The following DIDO1 variants were observed in gnomAD, a reference collection of about 807,000 sequenced individuals.
The protein encoded by DIDO1 is death-inducer obliterator 1.
A neutral mutation model predicts 99.4 loss-of-function variants in DIDO1; 16 were observed. That is an observed-to-expected ratio of 0.16 (90% CI 0.11 to 0.24). The LOEUF (loss-of-function observed/expected upper bound fraction) is 0.24. Ranked by LOEUF, DIDO1 falls within the 10% of genes least tolerant of loss-of-function variation. The pLI is 1.00. For missense variants in DIDO1, 2,996 were observed against 3,014.0 expected (o/e 0.99, Z 0.14); for synonymous variants, 1,366 against 1,239.1 (o/e 1.10, Z -2.15).
intron 4 of DIDO1, among the ~76,000 whole-genome samples, chr20:62,907,586 G>A (rs1295116670): frequency 2.0e-5 from 3 of 152,254 alleles, no homozygotes; most frequent in Non-Finnish European, 4.4e-5. Context: ...GCAGGAGTGT[G>A]AGGAGACCCC....
chr20:62,929,692 A>AAAAAATATATAT, upstream of DIDO1, among the ~76,000 whole-genome samples: 1 of 63,710 alleles, frequency 1.6e-5, no homozygotes, highest in African/African-American at 7.6e-5. Context: ...AAAAAGAAAA[A>AAAAAATATATAT]GTGTATATAT....
chr20:62,884,533 C>T (rs1175554957), intron 15 of DIDO1, among the ~76,000 whole-genome samples: 1 of 152,224 alleles, frequency 6.6e-6, no homozygotes, highest in Non-Finnish European at 1.5e-5. Context: ...ATTTCCCGTG[C>T]TTCAGGTGAT....
In DIDO1 at chr20:62,905,656, T is replaced by C. The variant is rs1383358215; in HGVS notation, c.1588+231A>G. 5 of 1,581,470 alleles carry C rather than the reference T, an allele frequency of 3.2e-6. No homozygotes were observed. In the African/African-American group the frequency reaches 6.8e-5, roughly 21 times the overall value. On this transcript the variant is annotated intron_variant, in intron 6 of 15. Transcript: ENST00000395343. Reference sequence around the variant, plus strand: ...AATCATTAAGGTGAACGTTCACCAGTGAGGTTTACAGCTTTGGAAAACAGT... The same window carrying C: ...AATCATTAAGGTGAACGTTCACCAGCGAGGTTTACAGCTTTGGAAAACAGT...
At chr20:62,883,380 A>G (rs542215283) in intron 15 of DIDO1, among the ~76,000 whole-genome samples, 88 of 152,326 alleles carry the variant, frequency 5.8e-4, no homozygotes, top group African/African-American at 1.9e-3. Context: ...GAAAAACAGC[A>G]TTAAATGAAA....
intron 15 of DIDO1, among the ~76,000 whole-genome samples, chr20:62,883,245 G>A (rs1374084333): frequency 1.3e-5 from 2 of 151,808 alleles, no homozygotes; most frequent in African/African-American, 2.4e-5. Context: ...TTTAACTTAG[G>A]AGTTGCAACA....
At chr20:62,933,011 G>A (rs552881289) in intron 1 of DIDO1, among the ~76,000 whole-genome samples, 6 of 152,258 alleles carry the variant, frequency 3.9e-5, no homozygotes, top group African/African-American at 7.2e-5. Flanking sequence ...TCTGGAGTTC[G>A]AGACCAGCCT....
At chr20:62,921,996 A>G (rs2147562787) in intron 1 of DIDO1, among the ~76,000 whole-genome samples, 1 of 150,532 alleles carries the variant, frequency 6.6e-6, no homozygotes, top group African/African-American at 2.4e-5. Flanking sequence ...CACAATATAT[A>G]TACACTATAT....
rs1291491392 is a variant in DIDO1, at chr20:62,893,734, G to A, written c.3033C>T (p.Ser1011=). The A allele has an allele frequency of 1.2e-6, 2 of 1,614,142 alleles. No homozygotes were observed. The highest frequency in any genetic ancestry group is 8.5e-7 in the Non-Finnish European group (1 of 1,179,970). ...GAGATGAGGATGGCTTAGCTAGTAT[G>A]GACTTGGGCACCATCACAGAAGTCA... ...PVLTSVMVPK[S]ILAKPSSSPD... Residue 1011 remains serine, a synonymous_variant, in exon 12 of 16, where the codon TCC becomes TCT. Coordinates refer to ENST00000395343, the MANE Select transcript of DIDO1 (RefSeq NM_001193369.2).
At chr20:62,920,742 C>T (rs62200155) in intron 1 of DIDO1, among the ~76,000 whole-genome samples, 3,849 of 152,258 alleles carry the variant, frequency 0.025, 56 homozygotes, top group African/African-American at 0.03. Context: ...AGAAGCTGAA[C>T]GGAGACACTA....
At chr20:62,930,225 A>T (rs942998516), upstream of DIDO1, among the ~76,000 whole-genome samples, 1 of 152,286 alleles carries the variant, frequency 6.6e-6, no homozygotes, top group African/African-American at 2.4e-5. Flanking sequence ...AAACAAAAAA[A>T]AAAAAAACAC....
At chr20:62,924,460 G>C (rs1466089720) in intron 1 of DIDO1, among the ~76,000 whole-genome samples, 2 of 152,138 alleles carry the variant, frequency 1.3e-5, no homozygotes. Context: ...ATGAAGACGT[G>C]GCACAGCTTA....
intron 1 of DIDO1, among the ~76,000 whole-genome samples, chr20:62,923,982 T>C (rs532672469): frequency 4.1e-4 from 62 of 152,318 alleles, no homozygotes; most frequent in African/African-American, 1.4e-3. Context: ...TCAAAATTAC[T>C]ACTCAAAAAA....
upstream of DIDO1, among the ~76,000 whole-genome samples, chr20:62,928,203 G>A (rs937167575): frequency 6.6e-6 from 1 of 152,108 alleles, no homozygotes. Context: ...GTTTCACGCT[G>A]GGCACTCAGG....
intron 15 of DIDO1, chr20:62,890,346 C>A (rs1210877269): frequency 2.0e-6 from 2 of 986,536 alleles, no homozygotes. Context: ...CTGGAATCAC[C>A]CTCAACCCTT....
intron 1 of DIDO1, among the ~76,000 whole-genome samples, 190 bp downstream of exon 1, chr20:62,926,249 C>G (rs890639901): frequency 1.1e-5 from 1 of 89,894 alleles, no homozygotes; most frequent in African/African-American, 9.3e-5. Flanking sequence ...TGACCGGCCC[C>G]GCCCGCTCGC....
At chr20:62,885,649 C>T (rs760531388) in intron 15 of DIDO1, among the ~76,000 whole-genome samples, 5 of 152,270 alleles carry the variant, frequency 3.3e-5, no homozygotes, top group South Asian at 4.1e-4. Flanking sequence ...GATGGGTGCT[C>T]GTTCTGAATT....
Position 62,882,056 on chromosome 20 carries a change from A to AGCTGCCGTGGAG in DIDO1, c.3888_3899dup (p.Thr1298_Ser1301dup), listed in dbSNP as rs2064216834. The AGCTGCCGTGGAG allele has an allele frequency of 3.1e-6, 5 of 1,613,436 alleles. No individual in the cohort carries two copies. Among genetic ancestry groups the AGCTGCCGTGGAG allele is most frequent in the Non-Finnish European group, 4.2e-6 (5 of 1,180,034 alleles). ...TGGAAGCAGACGAAGCGGTGGAGGA[A>AGCTGCCGTGGAG]GCTGCCGTGGAGGCTGCCGCTGCTG... On this transcript the variant is annotated inframe_insertion, in exon 16 of 16. Coordinates refer to ENST00000395343, the MANE Select transcript of DIDO1 (RefSeq NM_001193369.2).
At chr20:62,905,363 C>G (rs2064778017) in intron 6 of DIDO1, 1 of 1,444,030 alleles carries the variant, frequency 6.9e-7, no homozygotes, top group Admixed American at 2.8e-5. Flanking sequence ...CCCTATCTGC[C>G]CAGTCAAAAA....
chr20:62,889,030 T>C (rs2064346364), intron 15 of DIDO1: 1 of 985,488 alleles, frequency 1.0e-6, no homozygotes, highest in African/African-American at 1.7e-5. Flanking sequence ...GGCTTTTGTG[T>C]GTCCCCGTCA....
Sources: gnomAD v4.1 joint callset for allele counts (sites outside exome capture counted in the v4.1 genomes callset) on GRCh38, gnomAD v4.1.1 for gene constraint, MANE v1.5 for transcripts, NCBI Gene and HGNC (gene_info 2026-07-23, HGNC 2026-07-21) for gene names.